The following DPYD variants were observed in gnomAD, a reference collection of about 807,000 sequenced individuals.
The protein encoded by DPYD is dihydropyrimidine dehydrogenase.
DPYD carries 109 observed loss-of-function variants against 116.2 expected under a neutral mutation model. The observed-to-expected ratio is 0.94, with a 90% CI of 0.80 to 1.10. DPYD has a LOEUF of 1.10. DPYD is among the 50% of genes least tolerant of loss of function. The probability of loss-of-function intolerance (pLI) is 0.00; values close to 1 mark genes in which losing one functional copy is unlikely to be tolerated. For missense variants in DPYD, 1,302 were observed against 1,254.5 expected (o/e 1.04, Z -0.57); for synonymous variants, 440 against 432.0 (o/e 1.02, Z -0.23).
intron 18 of DPYD, among the ~76,000 whole-genome samples, chr1:97,304,841 C>T (rs1342888469): frequency 6.6e-6 from 1 of 151,870 alleles, no homozygotes; most frequent in Non-Finnish European, 1.5e-5. Flanking sequence ...TTGTTTGGGA[C>T]AGTTGGGACA....
intron 13 of DPYD, among the ~76,000 whole-genome samples, chr1:97,484,169 G>A (rs758874497): frequency 2.6e-5 from 4 of 152,152 alleles, no homozygotes; most frequent in Admixed American, 1.3e-4. Flanking sequence ...GCTGGGTGTG[G>A]CGGCTTGTGC....
intron 2 of DPYD, among the ~76,000 whole-genome samples, chr1:97,870,640 A>G (rs1434603075): frequency 2.6e-5 from 4 of 151,748 alleles, no homozygotes; most frequent in African/African-American, 9.7e-5. Context: ...ATTCCTAATC[A>G]TTTCAATAGG....
chr1:97,123,592 C>G (rs564115680), intron 20 of DPYD, among the ~76,000 whole-genome samples: 116 of 152,028 alleles, frequency 7.6e-4, no homozygotes, highest in African/African-American at 2.7e-3. Flanking sequence ...CTTTATTGGT[C>G]CTTTGAATGT....
At chr1:97,542,823 T>C (rs1240149344) in intron 12 of DPYD, among the ~76,000 whole-genome samples, 1 of 152,206 alleles carries the variant, frequency 6.6e-6, no homozygotes, top group African/African-American at 2.4e-5. Flanking sequence ...ATGAGATTGA[T>C]GGATGTATGT....
intron 12 of DPYD, chr1:97,546,875 C>T: frequency 6.2e-7 from 1 of 1,609,136 alleles, no homozygotes; most frequent in South Asian, 1.1e-5. Context: ...TGGGATACAG[C>T]AATAGAGGGG....
chr1:97,126,675 C>G (rs1005393306), intron 20 of DPYD, among the ~76,000 whole-genome samples: 1 of 152,168 alleles, frequency 6.6e-6, no homozygotes, highest in African/African-American at 2.4e-5. Flanking sequence ...GACTTTCCCT[C>G]AGGCCTAGGA....
chr1:97,802,530 C>A (rs1290209164), intron 3 of DPYD, among the ~76,000 whole-genome samples: 1 of 151,816 alleles, frequency 6.6e-6, no homozygotes, highest in Non-Finnish European at 1.5e-5. Flanking sequence ...GCTTGTACTA[C>A]TCAAAGCACA....
chr1:97,154,058 T>A (rs1461084199), intron 20 of DPYD, among the ~76,000 whole-genome samples: 1 of 151,324 alleles, frequency 6.6e-6, no homozygotes, highest in Non-Finnish European at 1.5e-5. Context: ...GAATGTAAAC[T>A]AGTACAACGA....
chr1:97,102,442 T>C (rs548401490), intron 20 of DPYD, among the ~76,000 whole-genome samples: 2 of 109,076 alleles, frequency 1.8e-5, no homozygotes, highest in Non-Finnish European at 3.9e-5. Context: ...TCTTATTCAG[T>C]ATAAACCTGA....
At chr1:97,730,084 T>C (rs72734018) in intron 4 of DPYD, among the ~76,000 whole-genome samples, 3,974 of 152,284 alleles carry the variant, frequency 0.026, 75 homozygotes, top group Middle Eastern at 0.048. Flanking sequence ...TAATATATAT[T>C]TGCGGTAGTC....
In DPYD at chr1:97,651,049, TTAAGA is replaced by T. The variant is rs1658552416; in HGVS notation, c.850+28041_850+28045del. 5.9e-5 allele frequency among the ~76,000 whole-genome samples: 9 copies of T among 152,174 alleles called. No homozygotes were observed. In the South Asian group the frequency reaches 1.9e-3, roughly 32 times the overall value. On this transcript the variant is annotated intron_variant, in intron 8 of 22. Transcript: ENST00000370192. ...CTCTGAGTATTTGATGAGTGTTCAA[TTAAGA>T]CCTCAAACCTTGTTTCTCTTTGGGC...
chr1:97,584,671 C>A (rs1467979446), intron 10 of DPYD, among the ~76,000 whole-genome samples: 2 of 151,250 alleles, frequency 1.3e-5, no homozygotes, highest in African/African-American at 4.9e-5. Flanking sequence ...AAGCTGGAAA[C>A]CATCATTCTC....
chr1:97,762,122 A>G (rs1665607174), intron 3 of DPYD, among the ~76,000 whole-genome samples: 1 of 152,108 alleles, frequency 6.6e-6, no homozygotes, highest in Non-Finnish European at 1.5e-5. Flanking sequence ...AATTTACCTA[A>G]ACAACAAACC....
intron 14 of DPYD, among the ~76,000 whole-genome samples, chr1:97,408,354 G>GC (rs1673792977): frequency 6.6e-6 from 1 of 152,066 alleles, no homozygotes. Context: ...ACATGTTTGT[G>GC]CATGTATACA....
intron 3 of DPYD, among the ~76,000 whole-genome samples, chr1:97,788,718 TA>T (rs1667169137): frequency 6.6e-6 from 1 of 152,208 alleles, no homozygotes; most frequent in African/African-American, 2.4e-5. Context: ...AATCAGCTAA[TA>T]AAGGACAGAA....
At chr1:97,824,260 G>A (rs1231333395) in intron 3 of DPYD, among the ~76,000 whole-genome samples, 1 of 152,038 alleles carries the variant, frequency 6.6e-6, no homozygotes, top group Non-Finnish European at 1.5e-5. Flanking sequence ...ACCAGGTTAT[G>A]GATCTACCTT....
chr1:97,874,493 A>G (rs1327442676), intron 2 of DPYD, among the ~76,000 whole-genome samples: 1 of 151,922 alleles, frequency 6.6e-6, no homozygotes, highest in Admixed American at 6.6e-5. Flanking sequence ...TGATCTCTCT[A>G]TACAAATGTC....
At chr1:97,095,165 C>A (rs1650155640) in intron 21 of DPYD, among the ~76,000 whole-genome samples, 1 of 152,048 alleles carries the variant, frequency 6.6e-6, no homozygotes, top group African/African-American at 2.4e-5. Flanking sequence ...TATTATGGCA[C>A]AAATAATTAC....
At chr1:97,866,422 TTG>T (rs920942067) in intron 2 of DPYD, among the ~76,000 whole-genome samples, 7 of 151,966 alleles carry the variant, frequency 4.6e-5, no homozygotes, top group African/African-American at 9.7e-5. Context: ...AATTTTTATA[TTG>T]TGTGACTGTA....
Sources: gnomAD v4.1 joint callset for allele counts (sites outside exome capture counted in the v4.1 genomes callset) on GRCh38, gnomAD v4.1.1 for gene constraint, MANE v1.5 for transcripts, NCBI Gene and HGNC (gene_info 2026-07-23, HGNC 2026-07-21) for gene names.